Variants in PLET1 observed in about 807,000 individuals in gnomAD.
PLET1 encodes placenta-expressed transcript 1 protein.
In PLET1, 20 loss-of-function variants were observed where a neutral mutation model predicts 18.5. The observed-to-expected ratio is 1.08, with a 90% CI of 0.76 to 1.57. The LOEUF is 1.57. PLET1 is among the 40% of genes most tolerant of loss of function. PLET1 has a pLI of 0.00. For missense variants in PLET1, 256 were observed against 246.4 expected (o/e 1.04, Z -0.26); for synonymous variants, 93 against 93.8 (o/e 0.99, Z 0.05).
chr11:112,253,073 T>C (rs1860172061), intron 2 of PLET1, among the ~76,000 whole-genome samples: 1 of 152,142 alleles, frequency 6.6e-6, no homozygotes, highest in African/African-American at 2.4e-5. Flanking sequence ...TCAGGGCACT[T>C]ACAGTCTCTT....
intron 1 of PLET1, among the ~76,000 whole-genome samples, chr11:112,259,168 A>T (rs923142641): frequency 1.3e-5 from 2 of 152,172 alleles, no homozygotes; most frequent in African/African-American, 4.8e-5. Flanking sequence ...TACTTCTAAA[A>T]CATGCCCAGC....
At chr11:112,255,640 A>T in intron 1 of PLET1, 51 bp from the exon 2 acceptor site, 1 of 1,462,726 alleles carries the variant, frequency 6.8e-7, no homozygotes. Flanking sequence ...CTCTGAGCCA[A>T]GCTCGAGGGA....
At position 112,250,769 on chromosome 11, in the gene PLET1, C is replaced by T. The variant is rs563352140; in HGVS notation, c.448+1579G>A. Among the ~76,000 whole-genome samples the T allele has an allele frequency of 3.3e-5, 5 of 152,282 alleles. No homozygotes were observed. The South Asian group carries it at 6.2e-4, about 19-fold the overall frequency. Reference sequence around the variant, plus strand: ...TTCCTTCCTGTGTGAGATCCAAAAACGCTCTATCGGGATCTGATATCAAGA... The same window carrying T: ...TTCCTTCCTGTGTGAGATCCAAAAATGCTCTATCGGGATCTGATATCAAGA... On this transcript the variant is annotated intron_variant, in intron 3 of 3. Transcript: ENST00000338832.
At chr11:112,254,442 CGTGTGTGTG>C (rs1344608698) in intron 2 of PLET1, among the ~76,000 whole-genome samples, 63 of 114,224 alleles carry the variant, frequency 5.5e-4, no homozygotes, top group African/African-American at 1.9e-3. Context: ...GTGGTATGTA[CGTGTGTGTG>C]GTGTGTGTGG....
chr11:112,257,794 A>AC (rs1018480032), intron 1 of PLET1, among the ~76,000 whole-genome samples: 1 of 152,112 alleles, frequency 6.6e-6, no homozygotes, highest in Non-Finnish European at 1.5e-5. Flanking sequence ...TGTTGACATC[A>AC]CCCCAAAGTT....
chr11:112,252,873 T>A (rs1860170325), intron 2 of PLET1, among the ~76,000 whole-genome samples: 1 of 152,204 alleles, frequency 6.6e-6, no homozygotes, highest in Non-Finnish European at 1.5e-5. Flanking sequence ...TTGTCAACAG[T>A]GCCTGACATA....
In PLET1 at chr11:112,260,492, G is replaced by A; in HGVS notation, c.98C>T (p.Thr33Ile). 6.4e-7 allele frequency: 1 copy of A among 1,551,714 alleles called. No individual in the cohort carries two copies. Among genetic ancestry groups the A allele is most frequent in the South Asian group, 1.2e-5 (1 of 84,052 alleles). Residue 33 changes from threonine (T) to isoleucine (I), a missense_variant, in exon 1 of 4, where the codon ACC (threonine) becomes ATC (isoleucine). Transcript: ENST00000338832. ...SSATFIRYSS[T>I]CFTFDEYYTI... is the part of the protein sequence containing the mutation. The stretch of plus-strand genomic sequence containing the variant: ...GTAGTATTCATCAAAGGTGAAGCAG[G>A]TGCTACTGTACCTTATAAAGGTGGC...
At chr11:112,255,896 T>G (rs1280443186) in intron 1 of PLET1, among the ~76,000 whole-genome samples, 1 of 152,230 alleles carries the variant, frequency 6.6e-6, no homozygotes, top group African/African-American at 2.4e-5. Context: ...TACTCAGCTC[T>G]GGTTTTGCTA....
intron 1 of PLET1, among the ~76,000 whole-genome samples, chr11:112,257,629 A>T (rs1566830749): frequency 6.6e-6 from 1 of 152,042 alleles, no homozygotes; most frequent in Non-Finnish European, 1.5e-5. Context: ...TTAAAAAGGC[A>T]GATCCTTGCT....
intron 2 of PLET1, among the ~76,000 whole-genome samples, 173 bp from the exon 3 acceptor site, chr11:112,252,582 C>T (rs1259387293): frequency 2.6e-5 from 4 of 152,198 alleles, no homozygotes; most frequent in Non-Finnish European, 4.4e-5. Flanking sequence ...AGATCCTCCA[C>T]GATCTTGGTC....
intron 2 of PLET1, 22 bp from the exon 3 acceptor site, chr11:112,252,431 G>GA (rs1860165880): frequency 6.5e-7 from 1 of 1,546,794 alleles, no homozygotes; most frequent in Non-Finnish European, 8.8e-7. Context: ...AAATCAATGA[G>GA]AGATAATGCT....
At chr11:112,257,265 C>T (rs1394264690) in intron 1 of PLET1, among the ~76,000 whole-genome samples, 2 of 152,154 alleles carry the variant, frequency 1.3e-5, no homozygotes, top group Non-Finnish European at 2.9e-5. Context: ...GGCTGCCTGC[C>T]TGAAAGCCTT....
chr11:112,260,619 C>T lies in PLET1; in HGVS notation c.-30G>A. ...TCAGTCTGTTTGGAAAGTGCTAGGC[C>T]TGGAATTGGGTGAAACTGACAACTC... On this transcript the variant is annotated 5_prime_UTR_variant, in exon 1 of 4. Coordinates refer to ENST00000338832, the MANE Select transcript of PLET1 (RefSeq NM_001145024.1). 1 of 1,536,278 alleles carries T rather than the reference C, an allele frequency of 6.5e-7. No individual in the cohort carries two copies. The highest frequency in any genetic ancestry group is 2.1e-4 in the Middle Eastern group (1 of 4,780).
At chr11:112,256,648 G>A (rs1400476587) in intron 1 of PLET1, among the ~76,000 whole-genome samples, 1 of 152,168 alleles carries the variant, frequency 6.6e-6, no homozygotes. Flanking sequence ...AATACATGGG[G>A]AGTACTGGAT....
rs1027433361 is a variant in PLET1, at chr11:112,255,468, G to T, written c.306C>A (p.Tyr102Ter). 6 of 1,552,088 alleles carry T rather than the reference G, an allele frequency of 3.9e-6. No individual in the cohort carries two copies. The highest frequency in any genetic ancestry group is 5.2e-6 in the Non-Finnish European group (6 of 1,147,064). The stretch of plus-strand genomic sequence containing the variant: ...AGACCGTCATGTATTGATCTTTCAC[G>T]TAATACGTGGAGTTGCTGTAGCAAT... ...DKNCYSNSTY[Y>*]VKDQYMTVLE... The change falls in exon 2 of 4, where the codon TAC (tyrosine) becomes TAA (stop). Residue 102 changes from tyrosine to a stop codon, truncating the protein, a stop_gained. Coordinates refer to ENST00000338832, the MANE Select transcript of PLET1 (RefSeq NM_001145024.1). LOFTEE classifies it high-confidence loss of function.
rs1566829603 is a variant in PLET1 at position 112,255,391 on chromosome 11, A to G, written c.383T>C (p.Ile128Thr). ...PEPENITEVE[I>T]QAFTVQIRAL... is the part of the protein sequence containing the mutation. The stretch of plus-strand genomic sequence containing the variant: ...GCAAAGCAAGCTAGGTTCTTACTGT[A>G]TCTCCACTTCAGTTATGTTCTCAGG... The change falls in exon 2 of 4, where the codon ATA (isoleucine) becomes ACA (threonine). Residue 128 changes from isoleucine (I) to threonine (T), a missense_variant. Transcript: ENST00000338832. 1 of 1,552,170 alleles carries G rather than the reference A, an allele frequency of 6.4e-7. No homozygotes were observed.
intron 3 of PLET1, among the ~76,000 whole-genome samples, chr11:112,249,376 T>C (rs1053085336): frequency 5.9e-5 from 9 of 152,140 alleles, no homozygotes; most frequent in African/African-American, 1.9e-4. Flanking sequence ...TATTTTCTTC[T>C]TGTGAATTTC....
intron 1 of PLET1, among the ~76,000 whole-genome samples, chr11:112,257,869 C>A (rs192385697): frequency 1.3e-4 from 20 of 152,282 alleles, no homozygotes; most frequent in East Asian, 5.8e-4. Flanking sequence ...ACTCAGAGTC[C>A]CCAGAAGTCC....
At chr11:112,251,243 C>G (rs1860151781) in intron 3 of PLET1, among the ~76,000 whole-genome samples, 2 of 151,500 alleles carry the variant, frequency 1.3e-5, no homozygotes, top group African/African-American at 4.9e-5. Context: ...GACAAGTTAC[C>G]TATTTTTCTG....
Sources: allele counts gnomAD v4.1 joint callset (sites outside exome capture counted in the v4.1 genomes callset), GRCh38; gene constraint gnomAD v4.1.1; transcripts MANE v1.5; gene names NCBI Gene and HGNC (gene_info 2026-07-23, HGNC 2026-07-21).